STRN3: variants seen among roughly 807,000 people sequenced by gnomAD.
STRN3 encodes striatin-3.
Under a neutral mutation model 95.6 loss-of-function variants are expected in STRN3, and 29 were observed. The observed-to-expected ratio is 0.30, with a 90% CI of 0.23 to 0.41. The LOEUF (loss-of-function observed/expected upper bound fraction) is 0.41, where lower values mean the gene tolerates loss of function less well. Among genes scored for constraint, STRN3 ranks in the 10% least tolerant of loss-of-function variants. STRN3 has a pLI of 1.00. For missense variants in STRN3, 890 were observed against 972.1 expected, an observed-to-expected ratio of 0.92 and a Z score of 1.12; for synonymous variants, 331 against 357.6, an observed-to-expected ratio of 0.93 and a Z score of 0.84.
chr14:31,023,313 C>T (rs187380337), intron 1 of STRN3, among the ~76,000 whole-genome samples: 1 of 152,212 alleles, frequency 6.6e-6, no homozygotes, highest in African/African-American at 2.4e-5. Flanking sequence ...CAATGCTTTA[C>T]CTGAGTCTAA....
In STRN3 at chr14:30,919,054, C is replaced by T. The variant is rs201140812; in HGVS notation, c.1152G>A (p.Glu384=). ...YDMIADLGDD[E]LPHIPSGIIN... ...TGATTCCTGAAGGGATGTGGGGCAG[C>T]TCATCATCTCCCAGATCAGCTATCA... Residue 384 remains glutamate, a synonymous_variant, in exon 9 of 18, where the codon GAG becomes GAA. Transcript: ENST00000357479. 3.1e-6 allele frequency: 5 copies of T among 1,611,660 alleles called. No individual in the cohort carries two copies. Among genetic ancestry groups the T allele is most frequent in the Admixed American group, 3.3e-5 (2 of 59,882 alleles).
At chr14:30,985,199 T>A (rs1343937286) in intron 1 of STRN3, among the ~76,000 whole-genome samples, 2 of 150,766 alleles carry the variant, frequency 1.3e-5, no homozygotes, top group African/African-American at 4.9e-5. Flanking sequence ...TCCCAACTAC[T>A]CGGGAGGCTG....
chr14:30,895,916 C>A (rs1333004611), intron 16 of STRN3, among the ~76,000 whole-genome samples, 168 bp from the exon 17 acceptor site: 1 of 152,180 alleles, frequency 6.6e-6, no homozygotes, highest in African/African-American at 2.4e-5. Flanking sequence ...AGTACACAAT[C>A]CTGTGTCTTT....
At chr14:31,001,822 TCCAGACCAG>T (rs1882465302) in intron 1 of STRN3, among the ~76,000 whole-genome samples, 1 of 151,606 alleles carries the variant, frequency 6.6e-6, no homozygotes, top group African/African-American at 2.4e-5. Flanking sequence ...GGTCAGGAGT[TCCAGACCAG>T]CCTGGCCAAC....
intron 9 of STRN3, among the ~76,000 whole-genome samples, chr14:30,915,873 G>A (rs950499805): frequency 5.9e-5 from 9 of 152,192 alleles, no homozygotes; most frequent in Admixed American, 3.9e-4. Flanking sequence ...GAAGGGAAGT[G>A]TCTGGACATT....
At chr14:31,001,524 AGAGT>A (rs1434137945) in intron 1 of STRN3, among the ~76,000 whole-genome samples, 3 of 151,958 alleles carry the variant, frequency 2.0e-5, no homozygotes, top group African/African-American at 7.3e-5. Flanking sequence ...CCTGGGCAAC[AGAGT>A]GAGACCCCAC....
rs567172933 is a variant in STRN3 at position 30,972,254 on chromosome 14, A to G, written c.283-16012T>C. The stretch of plus-strand genomic sequence containing the variant: ...ACTTGCTCCACCCTAACTCATTCCA[A>G]TTACCTGCTACCTGCTCTGCCCTGA... On this transcript the variant is annotated intron_variant, in intron 1 of 17. Coordinates refer to ENST00000357479, the MANE Select transcript of STRN3 (RefSeq NM_001083893.2). Among the ~76,000 whole-genome samples, 11 of 151,660 alleles carry G rather than the reference A, an allele frequency of 7.3e-5. No homozygotes were observed. The South Asian group carries it at 2.3e-3, about 31-fold the overall frequency.
At chr14:30,951,901 T>C (rs1206209475) in intron 3 of STRN3, among the ~76,000 whole-genome samples, 2 of 152,152 alleles carry the variant, frequency 1.3e-5, no homozygotes, top group African/African-American at 4.8e-5. Context: ...GCAGATCACT[T>C]GAGCACGGGA....
intron 1 of STRN3, among the ~76,000 whole-genome samples, chr14:31,007,298 T>C (rs1172203652): frequency 6.6e-6 from 1 of 152,096 alleles, no homozygotes; most frequent in Non-Finnish European, 1.5e-5. Context: ...AGTCTTCTCC[T>C]CCCCCTCCAA....
At position 30,992,404 on chromosome 14, in the gene STRN3, CA is replaced by C. The variant is rs540582497; in HGVS notation, c.282+33499del. ...CTGGAGACAGAGCAAGACTCTGTCT[CA>C]AAAAAAAAAAAGAAAAGGAAAGAAA... On this transcript the variant is annotated intron_variant, in intron 1 of 17. Transcript: ENST00000357479. Among the ~76,000 whole-genome samples, 203 of 123,508 alleles carry C rather than the reference CA, an allele frequency of 1.6e-3. No homozygotes were observed. The South Asian group carries it at 0.019, about 11-fold the overall frequency. The allele number at this position is 123,508 out of a possible 152,430, so 81.0% of individuals were successfully genotyped here. A position where few individuals can be genotyped will look rare whatever the true frequency, so the allele number is the denominator to read the frequency against.
At chr14:30,952,683 G>C (rs1195180488) in intron 3 of STRN3, among the ~76,000 whole-genome samples, 3 of 151,956 alleles carry the variant, frequency 2.0e-5, no homozygotes, top group African/African-American at 7.3e-5. Flanking sequence ...CTGGGCAATA[G>C]AGCAAGACTC....
At position 31,006,918 on chromosome 14, in the gene STRN3, A is replaced by G. The variant is rs1424345537; in HGVS notation, c.282+18986T>C. Among the ~76,000 whole-genome samples, 9 of 151,832 alleles carry G rather than the reference A, an allele frequency of 5.9e-5. No individual in the cohort carries two copies. The East Asian group carries it at 1.6e-3, about 26-fold the overall frequency. On this transcript the variant is annotated intron_variant, in intron 1 of 17. Transcript: ENST00000357479. Reference sequence around the variant, plus strand: ...CTTGAACCCAGGAAGTCCAGGCTGTAGTGGGCTATAACTGCACTTCTGAAT... The same window carrying G: ...CTTGAACCCAGGAAGTCCAGGCTGTGGTGGGCTATAACTGCACTTCTGAAT...
chr14:30,935,739 C>A (rs1389313225), intron 6 of STRN3, among the ~76,000 whole-genome samples: 1 of 152,086 alleles, frequency 6.6e-6, no homozygotes. Context: ...GCTTTACCTT[C>A]CAGAACAAAA....
chr14:30,964,321 CTT>C (rs1177773350), intron 1 of STRN3: 1 of 152,196 alleles, frequency 6.6e-6, no homozygotes, highest in African/African-American at 2.4e-5. Context: ...TTTTGTTGCT[CTT>C]GAGAGATTCT....
Position 31,026,077 on chromosome 14 carries a change from C to G in STRN3, c.109G>C (p.Ala37Pro). Reference protein sequence around the residue: ...NLGLSPGGNGAAGGGGPPASE... With the variant: ...NLGLSPGGNGPAGGGGPPASE... ...GCCGGAGGACCCCCGCCGCCCGCCG[C>G]TCCGTTCCCCCCGGGCGAAAGGCCC... Residue 37 changes from alanine to proline, a missense_variant, in exon 1 of 18, where the codon GCG (alanine) becomes CCG (proline). This residue lies in a region of STRN3 where 526 missense variants were observed against 526.3 expected (regional missense o/e 1.00). Coordinates refer to ENST00000357479, the MANE Select transcript of STRN3 (RefSeq NM_001083893.2). The G allele has an allele frequency of 6.5e-7, 1 of 1,530,994 alleles. No individual in the cohort carries two copies. The highest frequency in any genetic ancestry group is 8.8e-7 in the Non-Finnish European group (1 of 1,139,234). 94.8% of individuals were successfully genotyped at this position (1,530,994 alleles called of 1,614,324 possible). A position where few individuals can be genotyped will look rare whatever the true frequency, so the allele number is the denominator to read the frequency against.
At chr14:30,942,309 A>C (rs901428231) in intron 5 of STRN3, among the ~76,000 whole-genome samples, 8 of 152,198 alleles carry the variant, frequency 5.3e-5, no homozygotes, top group African/African-American at 1.7e-4. Flanking sequence ...ATGTGACTTT[A>C]ACCTACCATA....
At chr14:30,972,088 T>C (rs1880859615) in intron 1 of STRN3, among the ~76,000 whole-genome samples, 1 of 152,186 alleles carries the variant, frequency 6.6e-6, no homozygotes, top group Admixed American at 6.5e-5. Context: ...AAAGAATATG[T>C]CAGTATGTTC....
chr14:30,926,061 T>TA (rs1897020530), intron 8 of STRN3, among the ~76,000 whole-genome samples: 1 of 152,096 alleles, frequency 6.6e-6, no homozygotes, highest in South Asian at 2.1e-4. Context: ...TCTTAAACTC[T>TA]AATTTCACGG....
chr14:30,925,661 A>ATT (rs1897009461), intron 8 of STRN3, among the ~76,000 whole-genome samples: 1 of 152,218 alleles, frequency 6.6e-6, no homozygotes, highest in South Asian at 2.1e-4. Context: ...CGTATTCTAT[A>ATT]TTTCAAGATA....
Sources: gnomAD v4.1 joint callset for allele counts (sites outside exome capture counted in the v4.1 genomes callset) on GRCh38, gnomAD v4.1.1 for gene constraint, gnomAD v4.1.1 regional missense constraint, MANE v1.5 for transcripts, NCBI Gene and HGNC (gene_info 2026-07-23, HGNC 2026-07-21) for gene names.